The following PDE4D variants were observed in gnomAD, a reference collection of about 807,000 sequenced individuals.
PDE4D encodes 3',5'-cyclic-AMP phosphodiesterase 4D.
In PDE4D, 24 loss-of-function variants were observed where a neutral mutation model predicts 87.4. The observed-to-expected ratio is 0.27, with a 90% CI of 0.20 to 0.39. The LOEUF (loss-of-function observed/expected upper bound fraction) is 0.39. PDE4D is among the 10% of genes least tolerant of loss of function. The pLI is 1.00. For missense variants in PDE4D, 714 were observed against 1,041.0 expected, an observed-to-expected ratio of 0.69 and a Z score of 4.32; for synonymous variants, 384 against 383.2, an observed-to-expected ratio of 1.00 and a Z score of -0.02.
chr5:60,317,864 A>C (rs1461602805), intron 1 of PDE4D, among the ~76,000 whole-genome samples: 11 of 152,076 alleles, frequency 7.2e-5, no homozygotes, highest in Non-Finnish European at 1.6e-4. Context: ...AGTTTGTTAT[A>C]ATTTCTGTTC....
chr5:59,440,807 C>T (rs1390149298), intron 1 of PDE4D, among the ~76,000 whole-genome samples: 1 of 152,062 alleles, frequency 6.6e-6, no homozygotes, highest in African/African-American at 2.4e-5. Context: ...AACAGATCCT[C>T]ATAGTTAAAA....
At chr5:60,396,508 CT>C (rs568662808) in intron 1 of PDE4D, among the ~76,000 whole-genome samples, 58 of 152,108 alleles carry the variant, frequency 3.8e-4, no homozygotes, top group African/African-American at 1.4e-3. Context: ...CTTTTAACTC[CT>C]TTTTTTTATT....
intron 1 of PDE4D, among the ~76,000 whole-genome samples, chr5:59,745,327 T>C (rs752170810): frequency 1.3e-5 from 2 of 152,210 alleles, no homozygotes; most frequent in African/African-American, 2.4e-5. Context: ...GAGCCTTCAA[T>C]TGACTGTGTA....
rs1432739334 is a variant in PDE4D at position 59,396,055 on chromosome 5, A to G, written c.456-180087T>C. On this transcript the variant is annotated intron_variant, in intron 1 of 14. Transcript: ENST00000340635. ...GAAAAAAGAATAAAAAGAAACGAGC[A>G]AAGCCTCCAAGAAATATGGGACTAT... Among the ~76,000 whole-genome samples the G allele has an allele frequency of 3.3e-3, 401 of 120,478 alleles. 97 individuals are homozygous for G. Among genetic ancestry groups the G allele is most frequent in the African/African-American group, 0.013 (383 of 29,956 alleles). The allele number at this position is 120,478 out of a possible 152,430, so 79.0% of individuals were successfully genotyped here.
chr5:60,121,993 C>T (rs535038287), intron 2 of PDE4D, among the ~76,000 whole-genome samples: 1 of 152,258 alleles, frequency 6.6e-6, no homozygotes, highest in Non-Finnish European at 1.5e-5. Flanking sequence ...TTACAGGGCC[C>T]ATGCAAGCTC....
chr5:60,375,392 T>A (rs1196019275), intron 1 of PDE4D, among the ~76,000 whole-genome samples: 1 of 152,210 alleles, frequency 6.6e-6, no homozygotes, highest in African/African-American at 2.4e-5. Flanking sequence ...GTGTTTTGCA[T>A]ATATTAATAT....
chr5:59,076,715 A>G (rs1167284591), intron 5 of PDE4D, among the ~76,000 whole-genome samples: 2 of 152,114 alleles, frequency 1.3e-5, no homozygotes, highest in East Asian at 3.9e-4. Context: ...TAAAAATGTC[A>G]AATAACTCAG....
At chr5:60,423,987 G>T (rs1743395607) in intron 1 of PDE4D, among the ~76,000 whole-genome samples, 1 of 152,154 alleles carries the variant, frequency 6.6e-6, no homozygotes, top group Non-Finnish European at 1.5e-5. Flanking sequence ...AATAAACCAG[G>T]AAGAAGTTGA....
intron 1 of PDE4D, among the ~76,000 whole-genome samples, chr5:59,759,451 C>T (rs373317049): frequency 2.6e-5 from 4 of 152,144 alleles, no homozygotes; most frequent in East Asian, 3.8e-4. Flanking sequence ...GGGAAGCACA[C>T]GTGAATAATA....
intron 2 of PDE4D, among the ~76,000 whole-genome samples, chr5:60,128,038 G>A (rs1461447029): frequency 1.3e-5 from 2 of 152,284 alleles, no homozygotes; most frequent in East Asian, 3.9e-4. Flanking sequence ...TGAGGACATG[G>A]TAGCAGGGAG....
intron 2 of PDE4D, among the ~76,000 whole-genome samples, chr5:60,121,298 A>G (rs1436242128): frequency 1.3e-5 from 2 of 152,140 alleles, no homozygotes; most frequent in African/African-American, 2.4e-5. Context: ...TTAAAAGCCC[A>G]GAAAAGGTAG....
At chr5:60,294,152 T>C (rs1583327194) in intron 1 of PDE4D, among the ~76,000 whole-genome samples, 1 of 152,198 alleles carries the variant, frequency 6.6e-6, no homozygotes, top group Non-Finnish European at 1.5e-5. Context: ...TATTTCTTTG[T>C]GGTTGTAAAT....
At position 59,097,062 on chromosome 5, in the gene PDE4D, A is replaced by G. The variant is rs73098905; in HGVS notation, c.809-58091T>C. Among the ~76,000 whole-genome samples, 1,483 of 152,338 alleles carry G rather than the reference A, an allele frequency of 9.7e-3. 26 individuals are homozygous for G. Among genetic ancestry groups the G allele is most frequent in the African/African-American group, 0.034 (1,404 of 41,574 alleles). On this transcript the variant is annotated intron_variant, in intron 5 of 14. Coordinates refer to ENST00000340635, the MANE Select transcript of PDE4D (RefSeq NM_001104631.2). Reference sequence around the variant, plus strand: ...AGTGAGGGGCATTATGTGGGTAAATATAAGTAGAAACTTCAAAATAAATTT... The same window carrying G: ...AGTGAGGGGCATTATGTGGGTAAATGTAAGTAGAAACTTCAAAATAAATTT...
At chr5:59,114,749 T>TA (rs1045900134) in intron 5 of PDE4D, among the ~76,000 whole-genome samples, 1 of 151,852 alleles carries the variant, frequency 6.6e-6, no homozygotes, top group Admixed American at 6.6e-5. Flanking sequence ...GCAATTGACT[T>TA]AGAGAAACTT....
chr5:60,360,378 C>T (rs1396884341), intron 1 of PDE4D, among the ~76,000 whole-genome samples: 1 of 152,200 alleles, frequency 6.6e-6, no homozygotes, highest in Non-Finnish European at 1.5e-5. Flanking sequence ...TAAATTTTCA[C>T]ATTCAACTAA....
chr5:59,837,850 A>G (rs761193389), intron 1 of PDE4D, among the ~76,000 whole-genome samples: 2 of 152,052 alleles, frequency 1.3e-5, no homozygotes, highest in Non-Finnish European at 2.9e-5. Context: ...AGTACAAATA[A>G]TTACCAAATG....
At chr5:59,512,996 A>G (rs1810523590) in intron 1 of PDE4D, among the ~76,000 whole-genome samples, 1 of 152,192 alleles carries the variant, frequency 6.6e-6, no homozygotes, top group Non-Finnish European at 1.5e-5. Context: ...GAAGCACATT[A>G]CATATCGTTT....
intron 2 of PDE4D, among the ~76,000 whole-genome samples, chr5:60,131,288 T>G (rs1393384111): frequency 6.6e-6 from 1 of 152,210 alleles, no homozygotes; most frequent in South Asian, 2.1e-4. Flanking sequence ...ATGTGGTAAG[T>G]AGAGAAGGAT....
intron 3 of PDE4D, among the ~76,000 whole-genome samples, chr5:59,972,968 G>A (rs76404802): frequency 7.2e-5 from 11 of 151,878 alleles, no homozygotes; most frequent in South Asian, 4.2e-4. Context: ...TTGGGGAGTC[G>A]GTCACCAACA....
Sources: allele counts gnomAD v4.1 joint callset (sites outside exome capture counted in the v4.1 genomes callset), GRCh38; gene constraint gnomAD v4.1.1; transcripts MANE v1.5; gene names NCBI Gene and HGNC (gene_info 2026-07-23, HGNC 2026-07-21).